Variants in LRRC3B observed in about 807,000 individuals in gnomAD.
The protein encoded by LRRC3B is leucine rich repeat containing 3B, also known as leucine-rich repeat-containing protein 3B.
Under a neutral mutation model 12.8 loss-of-function variants are expected in LRRC3B, and 2 were observed. That is an observed-to-expected ratio of 0.16 (90% CI 0.06 to 0.49). The LOEUF (loss-of-function observed/expected upper bound fraction) is 0.49. Ranked by LOEUF, LRRC3B falls within the 20% of genes least tolerant of loss-of-function variation. The pLI, the probability that LRRC3B is intolerant of heterozygous loss-of-function variation, is 0.96. For synonymous variants in LRRC3B, 132 were observed against 122.0 expected (o/e 1.08, Z -0.54); for missense variants, 189 against 319.4 (o/e 0.59, Z 3.11).
At chr3:26,676,230 C>T (rs562206303) in intron 1 of LRRC3B, among the ~76,000 whole-genome samples, 13 of 127,220 alleles carry the variant, frequency 1.0e-4, no homozygotes, top group Non-Finnish European at 2.0e-4. Flanking sequence ...CTATCCCTTC[C>T]CCCTCCCCCC....
rs529066996 is a variant in LRRC3B, at chr3:26,646,598, T to TAAAAA, written c.-161+23395_-161+23399dup. On this transcript the variant is annotated intron_variant, in intron 1 of 1. Coordinates refer to ENST00000396641, the Ensembl canonical transcript of LRRC3B. Reference sequence around the variant, plus strand: ...CCCAGAGGCCACTAAGGATAGGAGGTAAAAAAAAAAAAAAAAAAAAAAAAA... The same window carrying TAAAAA: ...CCCAGAGGCCACTAAGGATAGGAGGTAAAAAAAAAAAAAAAAAAAAAAAAAAAAAA... 1.5e-4 allele frequency among the ~76,000 whole-genome samples: 15 copies of TAAAAA among 99,650 alleles called. 1 individual carries two copies. The highest frequency in any genetic ancestry group is 4.5e-4 in the African/African-American group (13 of 29,154). The allele number at this position is 99,650 out of a possible 152,430, so 65.4% of individuals were successfully genotyped here.
At chr3:26,709,835 C>A (rs2125468936) in exon 2 of LRRC3B, 1 of 1,614,142 alleles carries the variant, frequency 6.2e-7, no homozygotes, top group Non-Finnish European at 8.5e-7. Flanking sequence ...CAATGCAAAT[C>A]TCAAGGAAAT....
intron 1 of LRRC3B, among the ~76,000 whole-genome samples, chr3:26,673,114 T>G (rs1378699534): frequency 6.6e-6 from 1 of 152,178 alleles, no homozygotes; most frequent in Non-Finnish European, 1.5e-5. Context: ...AAAACAAAGG[T>G]CTGCTGCAGT....
chr3:26,677,879 C>T (rs551726805), intron 1 of LRRC3B, among the ~76,000 whole-genome samples: 6 of 152,272 alleles, frequency 3.9e-5, no homozygotes, highest in South Asian at 4.1e-4. Context: ...TGGCTCACTG[C>T]AGCCTTGACC....
At chr3:26,676,674 A>C (rs3933883) in intron 1 of LRRC3B, among the ~76,000 whole-genome samples, 57,095 of 151,556 alleles carry the variant, frequency 0.38, 13,819 homozygotes, top group African/African-American at 0.68. Flanking sequence ...TGTGGAAGTC[A>C]GTGTGGCGAT....
At chr3:26,667,323 T>C (rs1699626865) in intron 1 of LRRC3B, among the ~76,000 whole-genome samples, 1 of 152,156 alleles carries the variant, frequency 6.6e-6, no homozygotes, top group African/African-American at 2.4e-5. Flanking sequence ...TGGGTTGTCA[T>C]GCAAAGCTCC....
chr3:26,682,641 G>C (rs1352532157), intron 1 of LRRC3B, among the ~76,000 whole-genome samples: 2 of 152,142 alleles, frequency 1.3e-5, no homozygotes, highest in African/African-American at 4.8e-5. Flanking sequence ...CCCCAGCCTG[G>C]AGAAAAACTA....
At chr3:26,624,036 G>C (rs1352707822) in intron 1 of LRRC3B, 1 of 152,380 alleles carries the variant, frequency 6.6e-6, no homozygotes, top group African/African-American at 2.4e-5. Flanking sequence ...ATTTGAGTCC[G>C]GAGGGCGCTG....
intron 1 of LRRC3B, among the ~76,000 whole-genome samples, chr3:26,675,146 A>G (rs1444880983): frequency 6.6e-6 from 1 of 152,198 alleles, no homozygotes; most frequent in Non-Finnish European, 1.5e-5. Flanking sequence ...TCTATTGCAT[A>G]TAAGTAGATA....
intron 1 of LRRC3B, among the ~76,000 whole-genome samples, chr3:26,686,086 CT>C (rs887248052): frequency 1.4e-4 from 21 of 149,122 alleles, no homozygotes; most frequent in African/African-American, 2.2e-4. Context: ...ATTTTCCTTT[CT>C]TTTTTTTTTC....
intron 1 of LRRC3B, among the ~76,000 whole-genome samples, chr3:26,708,620 T>TATCTC (rs1197099248): frequency 1.3e-5 from 2 of 152,220 alleles, no homozygotes; most frequent in African/African-American, 2.4e-5. Context: ...CTTATATTCT[T>TATCTC]ATCTCTGCTG....
chr3:26,623,074 C>CGCCGG (rs1237934348), exon 1 of LRRC3B: 1 of 152,226 alleles, frequency 6.6e-6, no homozygotes, highest in Admixed American at 6.5e-5. Flanking sequence ...GAGCCAAGCC[C>CGCCGG]GCCGGGCCGG....
intron 1 of LRRC3B, among the ~76,000 whole-genome samples, chr3:26,655,665 G>A (rs1699358335): frequency 6.6e-6 from 1 of 152,086 alleles, no homozygotes; most frequent in Non-Finnish European, 1.5e-5. Context: ...AATACCAAGT[G>A]AAGCAGAGCT....
chr3:26,656,169 G>A (rs1472762325), intron 1 of LRRC3B, among the ~76,000 whole-genome samples: 1 of 152,146 alleles, frequency 6.6e-6, no homozygotes, highest in Admixed American at 6.5e-5. Context: ...TGCTGCTGCT[G>A]CTGCCACTGC....
intron 1 of LRRC3B, among the ~76,000 whole-genome samples, chr3:26,649,373 T>C (rs1180886870): frequency 6.6e-6 from 1 of 152,234 alleles, no homozygotes; most frequent in Non-Finnish European, 1.5e-5. Context: ...GTTTCTCCTC[T>C]ATTTTGTTTC....
chr3:26,677,103 C>T (rs1269828564), intron 1 of LRRC3B, among the ~76,000 whole-genome samples: 1 of 152,166 alleles, frequency 6.6e-6, no homozygotes, highest in African/African-American at 2.4e-5. Flanking sequence ...TCATCAATCT[C>T]ATTTGCAAAA....
intron 1 of LRRC3B, among the ~76,000 whole-genome samples, chr3:26,679,243 A>T (rs1699922383): frequency 6.6e-6 from 1 of 152,210 alleles, no homozygotes; most frequent in South Asian, 2.1e-4. Context: ...AGCCAGAGTG[A>T]TCTTTTCAAT....
chr3:26,693,816 G>A (rs1700245290), intron 1 of LRRC3B, among the ~76,000 whole-genome samples: 1 of 152,142 alleles, frequency 6.6e-6, no homozygotes, highest in African/African-American at 2.4e-5. Flanking sequence ...AAGGGTAATA[G>A]TATTAAATAA....
chr3:26,694,342 T>G (rs1157031875), intron 1 of LRRC3B, among the ~76,000 whole-genome samples: 1 of 152,220 alleles, frequency 6.6e-6, no homozygotes, highest in Non-Finnish European at 1.5e-5. Context: ...AATACTTTAC[T>G]GCAACTGTCA....
Sources: gnomAD v4.1 joint callset for allele counts (sites outside exome capture counted in the v4.1 genomes callset) on GRCh38, gnomAD v4.1.1 for gene constraint, MANE v1.5 for transcripts, NCBI Gene and HGNC (gene_info 2026-07-23, HGNC 2026-07-21) for gene names.